CAMK1D: variants seen among roughly 807,000 people sequenced by gnomAD.
The protein encoded by CAMK1D is calcium/calmodulin-dependent protein kinase type 1D.
Under a neutral mutation model 47.7 loss-of-function variants are expected in CAMK1D, and 9 were observed. The observed-to-expected ratio is 0.19, with a 90% CI of 0.11 to 0.33. CAMK1D has a LOEUF of 0.33. Among genes scored for constraint, CAMK1D ranks in the 10% least tolerant of loss-of-function variants. The probability of loss-of-function intolerance (pLI) is 1.00; values close to 1 mark genes in which losing one functional copy is unlikely to be tolerated. For synonymous variants in CAMK1D, 184 were observed against 184.9 expected, an observed-to-expected ratio of 0.99 and a Z score of 0.04; for missense variants, 291 against 488.7, an observed-to-expected ratio of 0.60 and a Z score of 3.81.
chr10:12,423,051 A>G (rs1216654828), intron 1 of CAMK1D, among the ~76,000 whole-genome samples: 1 of 152,070 alleles, frequency 6.6e-6, no homozygotes, highest in Non-Finnish European at 1.5e-5. Flanking sequence ...TGTACATGAA[A>G]CTTGGGCTTG....
intron 2 of CAMK1D, among the ~76,000 whole-genome samples, chr10:12,658,001 T>A (rs1840166681): frequency 6.6e-6 from 1 of 151,976 alleles, no homozygotes; most frequent in South Asian, 2.1e-4. Flanking sequence ...AATACAAAAA[T>A]TAGCTGGGCA....
intron 1 of CAMK1D, among the ~76,000 whole-genome samples, chr10:12,529,611 G>C (rs1835739572): frequency 6.6e-6 from 1 of 152,080 alleles, no homozygotes; most frequent in African/African-American, 2.4e-5. Flanking sequence ...TTTAGTAGTG[G>C]GTCTGTGAGT....
intron 2 of CAMK1D, among the ~76,000 whole-genome samples, chr10:12,560,149 C>T (rs532300537): frequency 6.6e-6 from 1 of 152,148 alleles, no homozygotes; most frequent in Non-Finnish European, 1.5e-5. Flanking sequence ...TAGCCTGCCC[C>T]TGCTCCTGCG....
chr10:12,467,245 C>T (rs550652165), intron 1 of CAMK1D, among the ~76,000 whole-genome samples: 13 of 136,470 alleles, frequency 9.5e-5, no homozygotes, highest in Admixed American at 1.6e-4. Context: ...CTCTGCCTCC[C>T]GGGTTCAAGC....
chr10:12,370,765 C>T (rs1262436637), intron 1 of CAMK1D, among the ~76,000 whole-genome samples: 12 of 152,126 alleles, frequency 7.9e-5, no homozygotes, highest in African/African-American at 2.4e-4. Flanking sequence ...TGCGCCACCA[C>T]GCCCGGCTAA....
chr10:12,681,478 G>A (rs1189784111), intron 3 of CAMK1D, among the ~76,000 whole-genome samples: 5 of 152,248 alleles, frequency 3.3e-5, no homozygotes, highest in African/African-American at 1.2e-4. Flanking sequence ...AGGGCTGCTG[G>A]GTCCCGTGGA....
chr10:12,356,887 C>A (rs1470197924), intron 1 of CAMK1D, among the ~76,000 whole-genome samples: 1 of 152,164 alleles, frequency 6.6e-6, no homozygotes, highest in African/African-American at 2.4e-5. Context: ...AACTTGGCCA[C>A]TGAATGGACA....
chr10:12,527,350 C>CTT (rs750670427), intron 1 of CAMK1D, among the ~76,000 whole-genome samples: 2,780 of 83,878 alleles, frequency 0.033, 182 homozygotes, highest in African/African-American at 0.08. Context: ...ACTTGACTTG[C>CTT]TTTTTTTTTT....
intron 2 of CAMK1D, among the ~76,000 whole-genome samples, chr10:12,597,264 A>G (rs1838172128): frequency 1.3e-5 from 2 of 152,160 alleles, no homozygotes; most frequent in African/African-American, 4.8e-5. Context: ...GTTGCCCTCC[A>G]TGATTGGGGA....
chr10:12,615,113 G>T (rs1414057271), intron 2 of CAMK1D, among the ~76,000 whole-genome samples: 1 of 152,162 alleles, frequency 6.6e-6, no homozygotes, highest in Non-Finnish European at 1.5e-5. Flanking sequence ...AGCCCCAAAG[G>T]GTTCCTGAGC....
At chr10:12,376,162 C>CAAAAAAAAAAAAAAAA (rs59804213) in intron 1 of CAMK1D, among the ~76,000 whole-genome samples, 4 of 59,974 alleles carry the variant, frequency 6.7e-5, no homozygotes, top group African/African-American at 1.5e-4. Context: ...GACTCTGTCC[C>CAAAAAAAAAAAAAAAA]AAAAAAAAAA....
chr10:12,566,733 C>A (rs974251634), intron 2 of CAMK1D, among the ~76,000 whole-genome samples: 4 of 152,146 alleles, frequency 2.6e-5, no homozygotes, highest in South Asian at 2.1e-4. Flanking sequence ...CAGGAGAATG[C>A]GGGAAAGTAA....
At chr10:12,712,638 G>A (rs1379355462) in intron 3 of CAMK1D, among the ~76,000 whole-genome samples, 1 of 152,136 alleles carries the variant, frequency 6.6e-6, no homozygotes, top group African/African-American at 2.4e-5. Flanking sequence ...CATCCTGGGG[G>A]CCCCATTTGT....
chr10:12,568,563 G>A (rs891161925), intron 2 of CAMK1D, among the ~76,000 whole-genome samples: 16 of 105,128 alleles, frequency 1.5e-4, no homozygotes, highest in African/African-American at 5.2e-4. Flanking sequence ...CAGGGCTAAC[G>A]CCTAGGCCAT....
At chr10:12,521,174 T>C (rs1167687849) in intron 1 of CAMK1D, among the ~76,000 whole-genome samples, 1 of 152,194 alleles carries the variant, frequency 6.6e-6, no homozygotes, top group African/African-American at 2.4e-5. Flanking sequence ...TGGGTTAAAT[T>C]TGCTCTTCTT....
chr10:12,732,453 GA>G lies in CAMK1D; in HGVS notation c.300-28490del, dbSNP rs1010343830. Among the ~76,000 whole-genome samples, 48 of 152,086 alleles carry G rather than the reference GA, an allele frequency of 3.2e-4. 1 individual carries two copies. Among genetic ancestry groups the G allele is most frequent in the Admixed American group, 2.6e-4 (4 of 15,262 alleles). On this transcript the variant is annotated intron_variant, in intron 3 of 10. Transcript: ENST00000619168. ...ATAAAGACATATCCAAGACTGGGAG[GA>G]AAAAGAGGTTTAATTGGACTTACAG...
chr10:12,510,470 G>A (rs371894691), intron 1 of CAMK1D, among the ~76,000 whole-genome samples: 1 of 151,962 alleles, frequency 6.6e-6, no homozygotes, highest in Non-Finnish European at 1.5e-5. Flanking sequence ...AGCCAGTTCC[G>A]AAGTTGTCTA....
chr10:12,418,222 A>T (rs1242645618), intron 1 of CAMK1D, among the ~76,000 whole-genome samples: 3 of 152,240 alleles, frequency 2.0e-5, no homozygotes, highest in Non-Finnish European at 4.4e-5. Context: ...AGCAGGTCAG[A>T]TGAGGCAGAG....
intron 1 of CAMK1D, among the ~76,000 whole-genome samples, chr10:12,492,406 G>T (rs937387117): frequency 6.7e-6 from 1 of 150,360 alleles, no homozygotes; most frequent in Non-Finnish European, 1.5e-5. Context: ...CCATCCACTC[G>T]CATGCTTTTG....
Sources: allele counts gnomAD v4.1 joint callset (sites outside exome capture counted in the v4.1 genomes callset), GRCh38; gene constraint gnomAD v4.1.1; transcripts MANE v1.5; gene names NCBI Gene and HGNC (gene_info 2026-07-23, HGNC 2026-07-21).